Variants in JMJD1C observed in about 807,000 individuals in gnomAD.
JMJD1C encodes jumonji domain containing 1C, also known as jumonji domain-containing protein 1C.
A neutral mutation model predicts 245.3 loss-of-function variants in JMJD1C; 31 were observed. The observed-to-expected ratio is 0.13, with a 90% CI of 0.09 to 0.17. The LOEUF (loss-of-function observed/expected upper bound fraction) is 0.17, where lower values mean the gene tolerates loss of function less well. Ranked by LOEUF, JMJD1C falls within the 10% of genes least tolerant of loss-of-function variation. JMJD1C has a pLI of 1.00. For missense variants in JMJD1C, 2,691 were observed against 3,000.2 expected, an observed-to-expected ratio of 0.90 and a Z score of 2.41; for synonymous variants, 1,057 against 1,017.4, an observed-to-expected ratio of 1.04 and a Z score of -0.74.
rs142840277 is a variant in JMJD1C at position 63,194,024 on chromosome 10, A to G, written c.5734+262T>C. Among the ~76,000 whole-genome samples, 390 of 152,352 alleles carry G rather than the reference A, an allele frequency of 2.6e-3. 4 individuals carry two copies. Among genetic ancestry groups the G allele is most frequent in the Non-Finnish European group, 4.0e-3 (273 of 68,032 alleles). On this transcript the variant is annotated intron_variant, in intron 14 of 25. Coordinates refer to ENST00000399262, the MANE Select transcript of JMJD1C (RefSeq NM_032776.3). ...TAAAAATTAGATATGCTCAAAAATT[A>G]TAAGAAGCTTTCATTAAAAATCCAA...
At chr10:63,408,427 A>G (rs1419002924) in intron 1 of JMJD1C, among the ~76,000 whole-genome samples, 1 of 151,918 alleles carries the variant, frequency 6.6e-6, no homozygotes, top group East Asian at 1.9e-4. Flanking sequence ...ATAAAAATCA[A>G]TGTACATCTA....
chr10:63,417,241 A>G (rs548529325), intron 1 of JMJD1C, among the ~76,000 whole-genome samples: 58 of 152,314 alleles, frequency 3.8e-4, no homozygotes, highest in Non-Finnish European at 6.9e-4. Context: ...ATTGGAAGTT[A>G]AATATGTTAA....
At chr10:63,270,867 A>G (rs1266532984) in intron 2 of JMJD1C, among the ~76,000 whole-genome samples, 1 of 152,140 alleles carries the variant, frequency 6.6e-6, no homozygotes, top group African/African-American at 2.4e-5. Flanking sequence ...ATGGAATATA[A>G]ATTTGTGGCT....
intron 2 of JMJD1C, among the ~76,000 whole-genome samples, chr10:63,353,909 C>G (rs181107074): frequency 6.5e-4 from 99 of 152,168 alleles, no homozygotes; most frequent in Non-Finnish European, 1.2e-3. Flanking sequence ...GGTGCCATCT[C>G]AGCTCACTGC....
chr10:63,440,352 A>AT (rs375099961), intron 1 of JMJD1C, among the ~76,000 whole-genome samples: 34,829 of 111,710 alleles, frequency 0.31, 4,651 homozygotes, highest in Non-Finnish European at 0.38. Flanking sequence ...AAAAAAAAAA[A>AT]AATATATATA....
At chr10:63,398,732 C>T (rs1380318430) in intron 1 of JMJD1C, among the ~76,000 whole-genome samples, 1 of 152,180 alleles carries the variant, frequency 6.6e-6, no homozygotes, top group African/African-American at 2.4e-5. Context: ...CAACCTCCAC[C>T]TCCCAGGTTC....
chr10:63,222,357 A>C, intron 3 of JMJD1C: 1 of 1,246,390 alleles, frequency 8.0e-7, no homozygotes, highest in Non-Finnish European at 1.2e-6. Flanking sequence ...CAAACAAATC[A>C]TATGTTTTTC....
At chr10:63,427,412 C>A in intron 1 of JMJD1C, 1 of 1,104,906 alleles carries the variant, frequency 9.1e-7, no homozygotes, top group Non-Finnish European at 1.3e-6. Flanking sequence ...ACGGAAGACA[C>A]AGTACACCGG....
intron 2 of JMJD1C, among the ~76,000 whole-genome samples, chr10:63,295,550 G>A (rs1435173213): frequency 6.6e-6 from 1 of 152,092 alleles, no homozygotes; most frequent in Non-Finnish European, 1.5e-5. Flanking sequence ...GATCAAGAAA[G>A]GGGTCTCTCT....
intron 1 of JMJD1C, among the ~76,000 whole-genome samples, chr10:63,455,053 G>T (rs567407419): frequency 6.6e-6 from 1 of 152,250 alleles, no homozygotes; most frequent in East Asian, 1.9e-4. Context: ...ATAAGACTAC[G>T]TGCATCCGTT....
At chr10:63,172,473 G>C (rs1243505181) in intron 24 of JMJD1C, among the ~76,000 whole-genome samples, 1 of 152,166 alleles carries the variant, frequency 6.6e-6, no homozygotes, top group Non-Finnish European at 1.5e-5. Context: ...CTTCAGAATA[G>C]AGACTTATTA....
At chr10:63,284,139 C>T (rs896301399) in intron 2 of JMJD1C, among the ~76,000 whole-genome samples, 1 of 151,970 alleles carries the variant, frequency 6.6e-6, no homozygotes, top group Non-Finnish European at 1.5e-5. Context: ...TATTCTCTTG[C>T]CTCAGCCTCC....
rs56302130 is a variant in JMJD1C, at chr10:63,407,425, C to A, written c.169-26943G>T. Among the ~76,000 whole-genome samples, 3 of 152,122 alleles carry A rather than the reference C, an allele frequency of 2.0e-5. No homozygotes were observed. In the East Asian group the frequency reaches 5.8e-4, roughly 29 times the overall value. ...ATAACTCTGAAAGCCAGATAAAGCA[C>A]TGACAGATTTCTTTGGAAACCTAAC... On this transcript the variant is annotated intron_variant, in intron 1 of 25. Transcript: ENST00000399262.
At chr10:63,455,819 A>G (rs1212645943) in intron 1 of JMJD1C, among the ~76,000 whole-genome samples, 2 of 152,156 alleles carry the variant, frequency 1.3e-5, no homozygotes, top group Non-Finnish European at 2.9e-5. Context: ...TTTCCAAGAC[A>G]CCAAAGAAAG....
chr10:63,495,857 G>C (rs1447201374), intron 1 of JMJD1C, among the ~76,000 whole-genome samples: 1 of 151,592 alleles, frequency 6.6e-6, no homozygotes, highest in Non-Finnish European at 1.5e-5. Context: ...AAAGTGAGCA[G>C]AGGAAAAGTT....
intron 2 of JMJD1C, among the ~76,000 whole-genome samples, chr10:63,365,876 A>G (rs1428352133): frequency 2.0e-5 from 3 of 152,236 alleles, no homozygotes; most frequent in Admixed American, 6.5e-5. Flanking sequence ...AGCTACTGGG[A>G]AACAATCACT....
At chr10:63,210,656 T>C (rs1481516192) in intron 8 of JMJD1C, among the ~76,000 whole-genome samples, 2 of 152,108 alleles carry the variant, frequency 1.3e-5, no homozygotes, top group Non-Finnish European at 2.9e-5. Context: ...CTAGCTAGCT[T>C]ATCTTTGTGC....
upstream of JMJD1C, among the ~76,000 whole-genome samples, chr10:63,468,054 CT>C (rs570717146): frequency 2.4e-3 from 359 of 152,302 alleles, 3 homozygotes; most frequent in Middle Eastern, 0.014. Context: ...AAATGGGCCC[CT>C]GGGAACTCCC....
chr10:63,296,595 C>T (rs1228154501), intron 2 of JMJD1C, among the ~76,000 whole-genome samples: 1 of 152,124 alleles, frequency 6.6e-6, no homozygotes, highest in African/African-American at 2.4e-5. Context: ...AAAAGCAGAA[C>T]ATCACCTGTT....
Sources: allele counts gnomAD v4.1 joint callset (sites outside exome capture counted in the v4.1 genomes callset), GRCh38; gene constraint gnomAD v4.1.1; transcripts MANE v1.5; gene names NCBI Gene and HGNC (gene_info 2026-07-23, HGNC 2026-07-21).